The following ZNF385B variants were observed in gnomAD, a reference collection of about 807,000 sequenced individuals.
The protein encoded by ZNF385B is zinc finger protein 533.
In ZNF385B, 23 loss-of-function variants were observed where a neutral mutation model predicts 39.2. That is an observed-to-expected ratio of 0.59 (90% CI 0.42 to 0.83). The LOEUF (loss-of-function observed/expected upper bound fraction) is 0.83. Among genes scored for constraint, ZNF385B ranks in the 40% least tolerant of loss-of-function variants. The pLI, the probability that ZNF385B is intolerant of heterozygous loss-of-function variation, is 0.00. For missense variants in ZNF385B, 552 were observed against 598.9 expected (o/e 0.92, Z 0.82); for synonymous variants, 205 against 222.6 (o/e 0.92, Z 0.70).
chr2:179,796,740 A>G (rs1053592710), intron 1 of ZNF385B, among the ~76,000 whole-genome samples: 10 of 152,230 alleles, frequency 6.6e-5, no homozygotes, highest in African/African-American at 2.2e-4. Context: ...TGTAAAAGGT[A>G]TAACAGCAGA....
chr2:179,503,902 T>G (rs2056997545), intron 5 of ZNF385B, among the ~76,000 whole-genome samples: 1 of 148,182 alleles, frequency 6.7e-6, no homozygotes, highest in African/African-American at 2.5e-5. Context: ...ATACTTTAAG[T>G]TTTAGGGTAC....
At chr2:179,517,473 T>A (rs1425424094) in intron 5 of ZNF385B, among the ~76,000 whole-genome samples, 2 of 149,966 alleles carry the variant, frequency 1.3e-5, no homozygotes, top group African/African-American at 4.8e-5. Flanking sequence ...ATTAAAATTA[T>A]ATTAAATATA....
chr2:179,564,711 AC>A (rs1364105078), intron 3 of ZNF385B, among the ~76,000 whole-genome samples: 1 of 152,090 alleles, frequency 6.6e-6, no homozygotes, highest in Non-Finnish European at 1.5e-5. Flanking sequence ...TGACCTCTCT[AC>A]CATTGGTAGA....
chr2:179,788,288 A>AT (rs1156815232), intron 1 of ZNF385B, among the ~76,000 whole-genome samples: 1 of 152,188 alleles, frequency 6.6e-6, no homozygotes, highest in African/African-American at 2.4e-5. Context: ...CCTGTGAGCA[A>AT]TATTTTCTGG....
At chr2:179,541,974 A>G (rs1334706601) in intron 4 of ZNF385B, among the ~76,000 whole-genome samples, 1 of 152,194 alleles carries the variant, frequency 6.6e-6, no homozygotes, top group Non-Finnish European at 1.5e-5. Flanking sequence ...TTCTTCCTCT[A>G]GACAATAAGA....
At chr2:179,699,629 C>T (rs1402572702) in intron 3 of ZNF385B, among the ~76,000 whole-genome samples, 1 of 152,194 alleles carries the variant, frequency 6.6e-6, no homozygotes, top group East Asian at 1.9e-4. Flanking sequence ...ATAAACAGTA[C>T]ATGACACCCT....
intron 6 of ZNF385B, among the ~76,000 whole-genome samples, chr2:179,464,540 G>T (rs1675990245): frequency 6.6e-6 from 1 of 152,132 alleles, no homozygotes; most frequent in Non-Finnish European, 1.5e-5. Flanking sequence ...GTGTAAGGAA[G>T]GGGTCCAGTT....
intron 3 of ZNF385B, among the ~76,000 whole-genome samples, chr2:179,622,569 T>C (rs1174374981): frequency 1.3e-5 from 2 of 152,222 alleles, no homozygotes; most frequent in African/African-American, 4.8e-5. Flanking sequence ...AGAAGTTACT[T>C]AGGTTCCAGC....
intron 1 of ZNF385B, among the ~76,000 whole-genome samples, chr2:179,845,112 C>T (rs576718138): frequency 7.9e-5 from 12 of 152,250 alleles, no homozygotes; most frequent in Admixed American, 3.3e-4. Context: ...TAGCCCTACA[C>T]GTAGAAATGC....
intron 3 of ZNF385B, among the ~76,000 whole-genome samples, chr2:179,758,262 T>C (rs1255040095): frequency 6.6e-6 from 1 of 152,174 alleles, no homozygotes; most frequent in African/African-American, 2.4e-5. Flanking sequence ...ATAATAGAAA[T>C]TTATTTCTCA....
intron 1 of ZNF385B, among the ~76,000 whole-genome samples, chr2:179,832,232 G>A (rs1169781646): frequency 6.6e-6 from 1 of 152,090 alleles, no homozygotes; most frequent in Admixed American, 6.5e-5. Flanking sequence ...TGGTTCCCCA[G>A]GACACTAGGC....
chr2:179,719,087 T>C (rs1436364223), intron 3 of ZNF385B, among the ~76,000 whole-genome samples: 1 of 152,176 alleles, frequency 6.6e-6, no homozygotes, highest in East Asian at 1.9e-4. Context: ...AACCATACCA[T>C]GCCACCATTT....
intron 1 of ZNF385B, among the ~76,000 whole-genome samples, chr2:179,842,003 C>T (rs1314289893): frequency 6.6e-6 from 1 of 152,214 alleles, no homozygotes; most frequent in East Asian, 1.9e-4. Flanking sequence ...GCCAGGCTGC[C>T]TACCTTTAAA....
intron 3 of ZNF385B, among the ~76,000 whole-genome samples, chr2:179,604,411 A>T (rs1174724916): frequency 6.6e-6 from 1 of 152,110 alleles, no homozygotes; most frequent in Non-Finnish European, 1.5e-5. Flanking sequence ...CTGAAAAAAA[A>T]ATACAAAAAT....
intron 1 of ZNF385B, among the ~76,000 whole-genome samples, chr2:179,774,120 T>C (rs1323347437): frequency 6.6e-6 from 1 of 151,290 alleles, no homozygotes; most frequent in Non-Finnish European, 1.5e-5. Flanking sequence ...GATATGTGTG[T>C]GGTTTGTGTA....
intron 3 of ZNF385B, among the ~76,000 whole-genome samples, chr2:179,752,964 T>C (rs920041149): frequency 9.9e-5 from 15 of 152,204 alleles, no homozygotes; most frequent in Non-Finnish European, 2.2e-4. Flanking sequence ...AATTCTGGCT[T>C]TTGTTGCCAT....
At chr2:179,859,069 C>T (rs539902746) in intron 1 of ZNF385B, among the ~76,000 whole-genome samples, 1 of 152,198 alleles carries the variant, frequency 6.6e-6, no homozygotes, top group African/African-American at 2.4e-5. Context: ...TTCTCTGAAT[C>T]AGGTCACTTG....
intron 3 of ZNF385B, among the ~76,000 whole-genome samples, chr2:179,756,580 A>G (rs1422316422): frequency 6.6e-6 from 1 of 152,156 alleles, no homozygotes; most frequent in African/African-American, 2.4e-5. Flanking sequence ...GTGTTTTCCA[A>G]CTTGCTTCCA....
intron 1 of ZNF385B, among the ~76,000 whole-genome samples, chr2:179,842,969 G>A (rs960828454): frequency 6.6e-6 from 1 of 152,164 alleles, no homozygotes; most frequent in East Asian, 1.9e-4. Flanking sequence ...CTTTGCCAAA[G>A]CTAGGGATAT....
Sources: allele counts gnomAD v4.1 joint callset (sites outside exome capture counted in the v4.1 genomes callset), GRCh38; gene constraint gnomAD v4.1.1; transcripts MANE v1.5; gene names NCBI Gene and HGNC (gene_info 2026-07-23, HGNC 2026-07-21).